The following EBF1 variants were observed in gnomAD, a reference collection of about 807,000 sequenced individuals.
EBF1 encodes the protein EBF transcription factor 1.
EBF1 carries 10 observed loss-of-function variants against 68.4 expected under a neutral mutation model. The observed-to-expected ratio is 0.15, with a 90% confidence interval of 0.09 to 0.25. The LOEUF (loss-of-function observed/expected upper bound fraction) is 0.25. Among genes scored for constraint, EBF1 ranks in the 10% least tolerant of loss-of-function variants. EBF1 has a pLI of 1.00. For missense variants in EBF1, 509 were observed against 794.4 expected, an observed-to-expected ratio of 0.64 and a Z score of 4.32; for synonymous variants, 298 against 299.8, an observed-to-expected ratio of 0.99 and a Z score of 0.06.
chr5:158,776,097 A>G (rs569522963), intron 10 of EBF1, among the ~76,000 whole-genome samples: 240 of 152,206 alleles, frequency 1.6e-3, no homozygotes, highest in African/African-American at 5.5e-3. Context: ...AATTTCTTGA[A>G]CTCAGTGTGA....
chr5:159,051,784 A>G (rs986668862), intron 6 of EBF1, among the ~76,000 whole-genome samples: 1 of 152,066 alleles, frequency 6.6e-6, no homozygotes, highest in African/African-American at 2.4e-5. Flanking sequence ...AGTTGTGCAC[A>G]ATCACAATCG....
chr5:158,784,121 A>G (rs1243175154), intron 9 of EBF1, among the ~76,000 whole-genome samples: 1 of 152,172 alleles, frequency 6.6e-6, no homozygotes, highest in East Asian at 1.9e-4. Context: ...TCTTTTTCCC[A>G]TATGTCAAGC....
At chr5:158,834,152 C>T (rs1230177206) in intron 7 of EBF1, among the ~76,000 whole-genome samples, 1 of 152,166 alleles carries the variant, frequency 6.6e-6, no homozygotes, top group Non-Finnish European at 1.5e-5. Context: ...TCTTCCCTTA[C>T]CACCCTCATT....
At chr5:158,733,642 A>C (rs187461741) in intron 10 of EBF1, among the ~76,000 whole-genome samples, 38 of 152,328 alleles carry the variant, frequency 2.5e-4, no homozygotes, top group Non-Finnish European at 5.3e-4. Flanking sequence ...TACTCCATGG[A>C]CGTGTACTAT....
At chr5:158,989,052 C>T (rs192655572) in intron 6 of EBF1, among the ~76,000 whole-genome samples, 1 of 152,256 alleles carries the variant, frequency 6.6e-6, no homozygotes, top group East Asian at 1.9e-4. Context: ...CCTTCAGTGT[C>T]ATGCATGTTT....
At chr5:158,907,557 T>G (rs1414045476) in intron 6 of EBF1, among the ~76,000 whole-genome samples, 1 of 152,156 alleles carries the variant, frequency 6.6e-6, no homozygotes, top group African/African-American at 2.4e-5. Flanking sequence ...AACTTTCAGT[T>G]TGGGATGTTA....
rs189387744 is a variant in EBF1 at position 158,759,093 on chromosome 5, C to G, written c.1036+18320G>C. ...AATGACTTGTGCACTTCACCAACGT[C>G]TCCATTAAATGTACCATACATCTCA... On this transcript the variant is annotated intron_variant, in intron 10 of 15. Transcript: ENST00000313708. Among the ~76,000 whole-genome samples the G allele has an allele frequency of 1.5e-3, 224 of 152,306 alleles. 1 individual carries two copies. The highest frequency in any genetic ancestry group is 2.5e-3 in the Non-Finnish European group (172 of 68,012).
intron 6 of EBF1, chr5:159,019,004 C>T (rs1400969327): frequency 6.6e-6 from 1 of 152,230 alleles, no homozygotes; most frequent in Non-Finnish European, 1.5e-5. Context: ...TGGAGCTGTC[C>T]TATATTCCCT....
At chr5:158,842,080 C>G (rs528224273) in intron 6 of EBF1, among the ~76,000 whole-genome samples, 1 of 152,316 alleles carries the variant, frequency 6.6e-6, no homozygotes, top group South Asian at 2.1e-4. Flanking sequence ...TTTTCCGGTA[C>G]CAAGACCCAC....
chr5:158,999,831 T>C (rs1365505330), intron 6 of EBF1, among the ~76,000 whole-genome samples: 1 of 152,248 alleles, frequency 6.6e-6, no homozygotes, highest in Non-Finnish European at 1.5e-5. Flanking sequence ...TAAAACTTTA[T>C]TGTAAGAATA....
intron 6 of EBF1, among the ~76,000 whole-genome samples, chr5:159,060,965 C>CACAT (rs1031822126): frequency 1.3e-5 from 2 of 151,234 alleles, no homozygotes; most frequent in African/African-American, 4.9e-5. Context: ...CACACACACA[C>CACAT]ACACACATAC....
intron 6 of EBF1, among the ~76,000 whole-genome samples, chr5:158,910,617 A>G (rs972019050): frequency 6.6e-6 from 1 of 152,214 alleles, no homozygotes; most frequent in African/African-American, 2.4e-5. Flanking sequence ...TCAATAAAAA[A>G]TTAATTGATG....
intron 6 of EBF1, among the ~76,000 whole-genome samples, chr5:159,030,410 C>A (rs776977858): frequency 6.6e-6 from 1 of 152,112 alleles, no homozygotes; most frequent in Non-Finnish European, 1.5e-5. Context: ...AAAAGAAATA[C>A]TCCACAAATA....
intron 6 of EBF1, among the ~76,000 whole-genome samples, chr5:158,867,051 G>T (rs1329954237): frequency 1.3e-5 from 2 of 151,784 alleles, no homozygotes; most frequent in Non-Finnish European, 2.9e-5. Flanking sequence ...TCTCTAAAAG[G>T]TTAAACATGC....
rs574681889 is a variant in EBF1 at position 159,061,603 on chromosome 5, A to G, written c.554+11793T>C. 2.8e-3 allele frequency among the ~76,000 whole-genome samples: 429 copies of G among 152,344 alleles called. 2 individuals are homozygous for G. The highest frequency in any genetic ancestry group is 1.0e-2 in the African/African-American group (414 of 41,588). On this transcript the variant is annotated intron_variant, in intron 6 of 15. Transcript: ENST00000313708. ...GTTTTCTTCCCCACTCGGCTGCTCC[A>G]GAGGGAGGTCCGAGATGCGATTAGT...
chr5:158,956,790 G>A (rs1460894018), intron 6 of EBF1, among the ~76,000 whole-genome samples: 5 of 124,224 alleles, frequency 4.0e-5, no homozygotes, highest in Non-Finnish European at 6.3e-5. Flanking sequence ...ATGGAGTCTC[G>A]CTCTGTCGCC....
At chr5:158,750,692 T>G (rs116389063) in intron 10 of EBF1, among the ~76,000 whole-genome samples, 1 of 152,074 alleles carries the variant, frequency 6.6e-6, no homozygotes, top group Non-Finnish European at 1.5e-5. Flanking sequence ...ATAGCATCAT[T>G]TTATAGTGCA....
intron 9 of EBF1, among the ~76,000 whole-genome samples, chr5:158,793,385 G>C (rs1779019489): frequency 6.6e-6 from 1 of 152,104 alleles, no homozygotes; most frequent in African/African-American, 2.4e-5. Flanking sequence ...AAAAATAAAA[G>C]GCACTCATGT....
chr5:158,756,739 T>G (rs1238174066), intron 10 of EBF1, among the ~76,000 whole-genome samples: 2 of 151,586 alleles, frequency 1.3e-5, no homozygotes, highest in African/African-American at 4.8e-5. Context: ...AATGAACAAA[T>G]GAATTAACTA....
Sources: gnomAD v4.1 joint callset for allele counts (sites outside exome capture counted in the v4.1 genomes callset) on GRCh38, gnomAD v4.1.1 for gene constraint, MANE v1.5 for transcripts, NCBI Gene and HGNC (gene_info 2026-07-23, HGNC 2026-07-21) for gene names.